Variants in C2orf42 observed in about 807,000 individuals in gnomAD.
The protein encoded by C2orf42 is uncharacterized protein C2orf42.
Under a neutral mutation model 58.9 loss-of-function variants are expected in C2orf42, and 44 were observed. The ratio of observed to expected loss-of-function variants is 0.75; its 90% CI spans 0.59 to 0.96. The LOEUF (loss-of-function observed/expected upper bound fraction) is 0.96. Among genes scored for constraint, C2orf42 ranks in the 40% least tolerant of loss-of-function variants. The probability of loss-of-function intolerance (pLI) is 0.00; values close to 1 mark genes in which losing one functional copy is unlikely to be tolerated. For missense variants in C2orf42, 630 were observed against 699.2 expected, an observed-to-expected ratio of 0.90 and a Z score of 1.12; for synonymous variants, 239 against 265.4, an observed-to-expected ratio of 0.90 and a Z score of 0.97.
Position 70,185,786 on chromosome 2 carries a change from T to C in C2orf42, c.-281-2851A>G, listed in dbSNP as rs149649514. Among the ~76,000 whole-genome samples the C allele has an allele frequency of 2.1e-3, 308 of 147,948 alleles. 8 individuals carry two copies. In the East Asian group the frequency reaches 0.049, roughly 24 times the overall value. On this transcript the variant is annotated intron_variant, in intron 1 of 9. Transcript: ENST00000264434. The stretch of plus-strand genomic sequence containing the variant: ...ACATATATACACACATATATATATA[T>C]ACACACACACATATATATATATATT...
At chr2:70,165,310 T>TA in intron 7 of C2orf42, 118 bp from the exon 8 acceptor site, 1 of 665,898 alleles carries the variant, frequency 1.5e-6, no homozygotes, top group Non-Finnish European at 2.6e-6. Flanking sequence ...TCAGCACTTT[T>TA]AAAAAGAAAT....
At position 70,150,398 on chromosome 2, in the gene C2orf42, C is replaced by T. The variant is rs1468020106; in HGVS notation, c.1683G>A (p.Gln561=). 6.2e-7 allele frequency: 1 copy of T among 1,614,002 alleles called. No homozygotes were observed. Among genetic ancestry groups the T allele is most frequent in the African/African-American group, 1.3e-5 (1 of 74,920 alleles). The change falls in exon 10 of 10, where the codon CAG becomes CAA. Residue 561 remains glutamine (Q), a synonymous_variant. Transcript: ENST00000264434. ...EYQDQRPPLD[Q]PLELAPLTTI... ...TGGTCAGAGGGGCCAGTTCCAAGGG[C>T]TGGTCCAAGGGGGGCCGCTGGTCTT...
chr2:70,155,953 C>A (rs1672647079), intron 9 of C2orf42, among the ~76,000 whole-genome samples: 1 of 152,014 alleles, frequency 6.6e-6, no homozygotes, highest in Non-Finnish European at 1.5e-5. Context: ...GTTGGGAATT[C>A]AAGACCAGTC....
At chr2:70,175,064 A>T (rs181112304) in intron 5 of C2orf42, among the ~76,000 whole-genome samples, 67 of 152,292 alleles carry the variant, frequency 4.4e-4, no homozygotes, top group African/African-American at 1.4e-3. Context: ...TTATTTTTTT[A>T]AATTAAAAAA....
intron 9 of C2orf42, among the ~76,000 whole-genome samples, chr2:70,152,237 AC>A (rs775618718): frequency 1.3e-5 from 2 of 152,134 alleles, no homozygotes; most frequent in Non-Finnish European, 2.9e-5. Context: ...CCCACCCCAG[AC>A]TAACAACTTC....
rs769255023 is a variant in C2orf42 at position 70,181,816 on chromosome 2, T to C, written c.170A>G (p.Lys57Arg). 1.9e-6 allele frequency: 3 copies of C among 1,614,204 alleles called. No individual in the cohort carries two copies. The highest frequency in any genetic ancestry group is 2.5e-6 in the Non-Finnish European group (3 of 1,180,040). The change falls in exon 3 of 10, where the codon AAG becomes AGG. Residue 57 changes from lysine (K) to arginine (R), a missense_variant. Coordinates refer to ENST00000264434, the MANE Select transcript of C2orf42 (RefSeq NM_017880.3). ...CGTIFRYGAR[K>R]QPSVEAVKII... Reference sequence around the variant, plus strand: ...TTTGACAGCTTCAACACTAGGCTGCTTGCGTGCACCGTAGCGGAATATGGT... The same window carrying C: ...TTTGACAGCTTCAACACTAGGCTGCCTGCGTGCACCGTAGCGGAATATGGT...
At chr2:70,155,154 G>C (rs1431598892) in intron 9 of C2orf42, among the ~76,000 whole-genome samples, 2 of 152,054 alleles carry the variant, frequency 1.3e-5, no homozygotes, top group East Asian at 1.9e-4. Flanking sequence ...TGAGGCAGAA[G>C]AATTGCTTGA....
intron 2 of C2orf42, 83 bp from the exon 3 acceptor site, chr2:70,182,080 G>A (rs982553972): frequency 5.5e-5 from 37 of 667,406 alleles, no homozygotes; most frequent in Non-Finnish European, 8.3e-5. Context: ...TAGTACAGAA[G>A]GCAAAATATA....
chr2:70,183,736 A>AG (rs916442725), intron 1 of C2orf42, among the ~76,000 whole-genome samples: 34 of 151,030 alleles, frequency 2.3e-4, no homozygotes, highest in African/African-American at 8.3e-4. Context: ...CTTTAAAAAA[A>AG]AAAAAAAAGA....
At chr2:70,173,816 A>C (rs1025747216) in intron 5 of C2orf42, among the ~76,000 whole-genome samples, 1 of 150,988 alleles carries the variant, frequency 6.6e-6, no homozygotes, top group African/African-American at 2.4e-5. Context: ...TTTTTGGTAG[A>C]GATGGAGTCT....
At chr2:70,184,534 A>G (rs1674799740) in intron 1 of C2orf42, among the ~76,000 whole-genome samples, 1 of 128,030 alleles carries the variant, frequency 7.8e-6, no homozygotes, top group African/African-American at 3.0e-5. Context: ...GTTGTCAAAG[A>G]TGGAGTGCAG....
At chr2:70,151,760 T>C (rs1244341614) in intron 9 of C2orf42, among the ~76,000 whole-genome samples, 1 of 151,344 alleles carries the variant, frequency 6.6e-6, no homozygotes, top group African/African-American at 2.5e-5. Context: ...TTTGACTTCA[T>C]AAGCTAATAT....
chr2:70,168,919 T>TGG (rs1673599147), intron 6 of C2orf42, among the ~76,000 whole-genome samples: 1 of 152,076 alleles, frequency 6.6e-6, no homozygotes, highest in Non-Finnish European at 1.5e-5. Context: ...TTCGCCATGT[T>TGG]GGCCAGGCTT....
chr2:70,151,912 GA>G (rs1672338282), intron 9 of C2orf42, among the ~76,000 whole-genome samples: 1 of 151,898 alleles, frequency 6.6e-6, no homozygotes, highest in Non-Finnish European at 1.5e-5. Flanking sequence ...AAGTAGCTGG[GA>G]CTACAGGCAC....
At chr2:70,183,515 C>T (rs1201762337) in intron 1 of C2orf42, among the ~76,000 whole-genome samples, 8 of 149,432 alleles carry the variant, frequency 5.4e-5, no homozygotes, top group Admixed American at 4.0e-4. Flanking sequence ...CTGCAACCTC[C>T]ACTTCCCAGA....
In C2orf42 at chr2:70,178,022, AGAGT is replaced by A. The variant is rs1275774419; in HGVS notation, c.934+1506_934+1509del. 5.9e-5 allele frequency among the ~76,000 whole-genome samples: 9 copies of A among 152,228 alleles called. No homozygotes were observed. The East Asian group carries it at 1.2e-3, about 20-fold the overall frequency. On this transcript the variant is annotated intron_variant, in intron 4 of 9. Transcript: ENST00000264434. Reference sequence around the variant, plus strand: ...GCCCCTGCACTCCAGCTTGGGCAACAGAGTGAGAACTCATCTCTTAAAAAACAAA... The same window carrying A: ...GCCCCTGCACTCCAGCTTGGGCAACAGAGAACTCATCTCTTAAAAAACAAA...
Position 70,175,571 on chromosome 2 carries a change from T to C in C2orf42, c.1039+102A>G, listed in dbSNP as rs150958085. On this transcript the variant is annotated intron_variant, in intron 5 of 9. Transcript: ENST00000264434. ...GCCTCAGTGCTTCTGTTAGTATTTATGCTGGGACTCTTTGGGTGACAATGT... is the reference window on the plus strand; with the variant it reads ...GCCTCAGTGCTTCTGTTAGTATTTACGCTGGGACTCTTTGGGTGACAATGT... The C allele has an allele frequency of 1.5e-5, 12 of 777,772 alleles. No individual in the cohort carries two copies. The African/African-American group carries it at 1.9e-4, about 12-fold the overall frequency. The allele number at this position is 777,772 out of a possible 1,614,324, so 48.2% of individuals were successfully genotyped here. A position where few individuals can be genotyped will look rare whatever the true frequency, so the allele number is the denominator to read the frequency against.
At chr2:70,166,545 G>T (rs1673419516) in intron 6 of C2orf42, among the ~76,000 whole-genome samples, 1 of 150,056 alleles carries the variant, frequency 6.7e-6, no homozygotes, top group African/African-American at 2.4e-5. Flanking sequence ...GCATGGTGGT[G>T]TGTGCCTGTA....
intron 9 of C2orf42, among the ~76,000 whole-genome samples, chr2:70,155,429 G>T (rs1189732229): frequency 1.3e-5 from 2 of 152,046 alleles, no homozygotes; most frequent in African/African-American, 4.8e-5. Flanking sequence ...CCAAAGTGCT[G>T]GGATTATAGG....
Sources: gnomAD v4.1 joint callset for allele counts (sites outside exome capture counted in the v4.1 genomes callset) on GRCh38, gnomAD v4.1.1 for gene constraint, MANE v1.5 for transcripts, NCBI Gene and HGNC (gene_info 2026-07-23, HGNC 2026-07-21) for gene names.